The following CEP85 variants were observed in gnomAD, a reference collection of about 807,000 sequenced individuals.
CEP85 encodes the protein centrosomal protein 85.
A neutral mutation model predicts 93.7 loss-of-function variants in CEP85; 58 were observed. The observed-to-expected ratio is 0.62, with a 90% CI of 0.50 to 0.77. The LOEUF (loss-of-function observed/expected upper bound fraction) is 0.77. CEP85 is among the 30% of genes least tolerant of loss of function. The pLI is 0.00. For synonymous variants in CEP85, 314 were observed against 338.6 expected, an observed-to-expected ratio of 0.93 and a Z score of 0.80; for missense variants, 868 against 922.0, an observed-to-expected ratio of 0.94 and a Z score of 0.76.
At position 26,272,021 on chromosome 1, in the gene CEP85, A is replaced by G. The variant is rs758695288; in HGVS notation, c.1744A>G (p.Ile582Val). The G allele has an allele frequency of 3.1e-6, 5 of 1,614,000 alleles. No homozygotes were observed. The highest frequency in any genetic ancestry group is 4.2e-6 in the Non-Finnish European group (5 of 1,179,974). Residue 582 changes from isoleucine (I) to valine (V), a missense_variant and splice_region_variant, in exon 11 of 14, where the codon ATT (isoleucine) becomes GTT (valine). Ile to Val is a conservative substitution (Grantham distance 29). Transcript: ENST00000451429. The part of the protein sequence containing the change: ...WQKRYDSLQK[I>V]VEKQQQKMDQ... ...CTTCCTTGATAACTTTGCCTTTCAG[A>G]TTGTGGAGAAGCAGCAGCAGAAGAT...
chr1:26,254,087 G>T, intron 3 of CEP85, among the ~76,000 whole-genome samples: 1 of 152,136 alleles, frequency 6.6e-6, no homozygotes, highest in Non-Finnish European at 1.5e-5. Context: ...TTATCTGAGT[G>T]TTCTCTGTGT....
intron 7 of CEP85, among the ~76,000 whole-genome samples, chr1:26,265,058 A>G (rs1570027083): frequency 7.7e-6 from 1 of 130,458 alleles, no homozygotes; most frequent in Non-Finnish European, 1.5e-5. Flanking sequence ...GATCTTGGCC[A>G]CTGCAGCCTC....
At chr1:26,255,007 A>T (rs2089673469) in intron 3 of CEP85, among the ~76,000 whole-genome samples, 164 bp from the exon 4 acceptor site, 1 of 152,138 alleles carries the variant, frequency 6.6e-6, no homozygotes, top group Non-Finnish European at 1.5e-5. Context: ...ATCCTGGAAC[A>T]TACATCTCCC....
At position 26,271,077 on chromosome 1, in the gene CEP85, C is replaced by A; in HGVS notation, c.1713C>A (p.Ser571=). Residue 571 remains serine (S), a synonymous_variant, in exon 10 of 14, where the codon TCC becomes TCA. Coordinates refer to ENST00000451429, the MANE Select transcript of CEP85 (RefSeq NM_001319944.2). ...SGEGPEVEME[S]WQKRYDSLQK... Reference sequence around the variant, plus strand: ...AAGGTCCAGAAGTGGAAATGGAGTCCTGGCAGAAGCGATACGATTCGCTCC... The same window carrying A: ...AAGGTCCAGAAGTGGAAATGGAGTCATGGCAGAAGCGATACGATTCGCTCC... 5 of 1,612,886 alleles carry A rather than the reference C, an allele frequency of 3.1e-6. No homozygotes were observed. Among genetic ancestry groups the A allele is most frequent in the Non-Finnish European group, 4.2e-6 (5 of 1,178,924 alleles).
chr1:26,259,628 A>G lies in CEP85; in HGVS notation c.1167A>G (p.Arg389=). 1.2e-6 allele frequency: 2 copies of G among 1,607,668 alleles called. No homozygotes were observed. The highest frequency in any genetic ancestry group is 1.7e-6 in the Non-Finnish European group (2 of 1,177,076). The change falls in exon 7 of 14, where the codon CGA becomes CGG. Residue 389 remains arginine (R), a synonymous_variant. Coordinates refer to ENST00000451429, the MANE Select transcript of CEP85 (RefSeq NM_001319944.2). The part of the protein sequence containing the change: ...VCLLRLQELQ[R]ENTFLRAQFA... ...AATCTTTCTGGCAGGAATTGCAGCG[A>G]GAAAACACTTTCTTACGTGCACAGT... is the stretch of plus-strand genomic sequence containing the variant.
intron 11 of CEP85, among the ~76,000 whole-genome samples, chr1:26,272,617 A>ATTTTTTTTTTTTTTT (rs397861910): frequency 1.1e-5 from 1 of 89,670 alleles, no homozygotes; most frequent in African/African-American, 5.1e-5. Context: ...CTATTACAGC[A>ATTTTTTTTTTTTTTT]TTTTTTTTTT....
chr1:26,254,229 T>C (rs1305260593), intron 3 of CEP85, among the ~76,000 whole-genome samples: 2 of 152,174 alleles, frequency 1.3e-5, no homozygotes, highest in Admixed American at 6.5e-5. Context: ...TTATTCAGTT[T>C]TCTGCCTGCT....
Position 26,271,076 on chromosome 1 carries a change from C to A in CEP85, c.1712C>A (p.Ser571Tyr). 1 of 1,612,978 alleles carries A rather than the reference C, an allele frequency of 6.2e-7. No individual in the cohort carries two copies. ...SGEGPEVEME[S>Y]WQKRYDSLQK... ...GAAGGTCCAGAAGTGGAAATGGAGTCCTGGCAGAAGCGATACGATTCGCTC... is the reference window on the plus strand; with the variant it reads ...GAAGGTCCAGAAGTGGAAATGGAGTACTGGCAGAAGCGATACGATTCGCTC... The change falls in exon 10 of 14, where the codon TCC becomes TAC. Residue 571 changes from serine to tyrosine, a missense_variant. Physicochemically the swap from Ser to Tyr is moderately radical, Grantham distance 144. Coordinates refer to ENST00000451429, the MANE Select transcript of CEP85 (RefSeq NM_001319944.2).
At chr1:26,257,245 A>C (rs576933762) in intron 4 of CEP85, among the ~76,000 whole-genome samples, 2 of 152,254 alleles carry the variant, frequency 1.3e-5, no homozygotes, top group African/African-American at 4.8e-5. Flanking sequence ...TTTTCTTTTA[A>C]AAAATCCTTG....
chr1:26,252,743 G>T (rs899101663), intron 3 of CEP85, among the ~76,000 whole-genome samples: 7 of 152,044 alleles, frequency 4.6e-5, no homozygotes, highest in African/African-American at 1.7e-4. Flanking sequence ...GTGTGTGTGT[G>T]TTTTTTTAGT....
chr1:26,246,644 G>C (rs1319266029), intron 3 of CEP85, among the ~76,000 whole-genome samples: 1 of 151,794 alleles, frequency 6.6e-6, no homozygotes, highest in Non-Finnish European at 1.5e-5. Context: ...CAAGAGAATT[G>C]CTTGAACCCG....
At chr1:26,250,956 T>TGAGACAGAGTCTTA (rs2089603163) in intron 3 of CEP85, among the ~76,000 whole-genome samples, 1 of 115,166 alleles carries the variant, frequency 8.7e-6, no homozygotes. Context: ...TTTTTTTTTT[T>TGAGACAGAGTCTTA]TTGAGACAGA....
At chr1:26,264,154 G>A (rs2089855897) in intron 7 of CEP85, among the ~76,000 whole-genome samples, 1 of 152,084 alleles carries the variant, frequency 6.6e-6, no homozygotes, top group African/African-American at 2.4e-5. Context: ...AGTATTTCTT[G>A]TTTTCTTAAG....
At chr1:26,248,381 G>A (rs562929136) in intron 3 of CEP85, among the ~76,000 whole-genome samples, 2 of 152,290 alleles carry the variant, frequency 1.3e-5, no homozygotes, top group African/African-American at 2.4e-5. Flanking sequence ...CAGATTGTGT[G>A]TGTGACTCTC....
chr1:26,270,933 A>G, intron 9 of CEP85, 81 bp from the exon 10 acceptor site: 1 of 850,456 alleles, frequency 1.2e-6, no homozygotes, highest in Non-Finnish European at 2.0e-6. Context: ...TTGCCTCAAA[A>G]TGTGCAATAA....
Position 26,239,753 on chromosome 1 carries a change from A to G in CEP85, c.-22-9A>G, listed in dbSNP as rs767309671. 3 of 1,556,706 alleles carry G rather than the reference A, an allele frequency of 1.9e-6. No homozygotes were observed. The highest frequency in any genetic ancestry group is 2.7e-5 in the African/African-American group (2 of 73,776). On this transcript the variant is annotated splice_polypyrimidine_tract_variant and intron_variant, in intron 1 of 13. Transcript: ENST00000451429. ...CAGAGAACTGACTGGTTATTCCTTC[A>G]TTCTACAGTTGGCTTAAATAACTGT...
chr1:26,274,022 AG>A (rs2090017801), intron 11 of CEP85, among the ~76,000 whole-genome samples: 1 of 33,166 alleles, frequency 3.0e-5, no homozygotes, highest in South Asian at 3.7e-4. Flanking sequence ...TTTCCTTAGC[AG>A]TTTTTTTTTT....
Position 26,252,884 on chromosome 1 carries a change from A to G in CEP85, c.209-2287A>G, listed in dbSNP as rs1419204063. 5.3e-5 allele frequency among the ~76,000 whole-genome samples: 8 copies of G among 152,232 alleles called. No individual in the cohort carries two copies. The East Asian group carries it at 1.5e-3, about 29-fold the overall frequency. ...TCTAACCGAAATGTTTTACCCTTTG[A>G]TCAGCATCTCTCGATTCCCCCTGCT... On this transcript the variant is annotated intron_variant, in intron 3 of 13. Coordinates refer to ENST00000451429, the MANE Select transcript of CEP85 (RefSeq NM_001319944.2).
chr1:26,274,882 T>C lies in CEP85; in HGVS notation c.1795-82T>C, dbSNP rs114255871. ...GTAGGTAGGGTGAGTCGTCACTATA[T>C]AGTCCAAGCCAGCGGTGATATTGTC... On this transcript the variant is annotated intron_variant, in intron 11 of 13. Transcript: ENST00000451429. 1.5e-3 allele frequency: 1,598 copies of C among 1,099,112 alleles called. 14 individuals carry two copies. In the African/African-American group the frequency reaches 0.022, roughly 15 times the overall value. 68.1% of individuals were successfully genotyped at this position (1,099,112 alleles called of 1,614,324 possible). A position where few individuals can be genotyped will look rare whatever the true frequency, so the allele number is the denominator to read the frequency against.
Sources: gnomAD v4.1 joint callset for allele counts (sites outside exome capture counted in the v4.1 genomes callset) on GRCh38, gnomAD v4.1.1 for gene constraint, MANE v1.5 for transcripts, NCBI Gene and HGNC (gene_info 2026-07-23, HGNC 2026-07-21) for gene names.